SKAP1: variants seen among roughly 807,000 people sequenced by gnomAD.
The protein encoded by SKAP1 is src kinase associated phosphoprotein 1.
SKAP1 carries 44 observed loss-of-function variants against 58.5 expected under a neutral mutation model. The observed-to-expected ratio is 0.75, with a 90% CI of 0.59 to 0.97. The LOEUF (loss-of-function observed/expected upper bound fraction) is 0.97, where lower values mean the gene tolerates loss of function less well. SKAP1 is among the 50% of genes least tolerant of loss of function. The probability of loss-of-function intolerance (pLI) is 0.00; values close to 1 mark genes in which losing one functional copy is unlikely to be tolerated. For missense variants in SKAP1, 390 were observed against 435.2 expected (o/e 0.90, Z 0.92); for synonymous variants, 127 against 149.7 (o/e 0.85, Z 1.11).
intron 4 of SKAP1, among the ~76,000 whole-genome samples, chr17:48,288,627 A>C (rs1485741775): frequency 6.6e-6 from 1 of 152,202 alleles, no homozygotes; most frequent in African/African-American, 2.4e-5. Flanking sequence ...TGGAGGTTGC[A>C]GTGAGCCGAG....
chr17:48,423,897 T>C (rs1212228916), intron 1 of SKAP1, among the ~76,000 whole-genome samples: 1 of 152,050 alleles, frequency 6.6e-6, no homozygotes, highest in Non-Finnish European at 1.5e-5. Flanking sequence ...GTTGGGATTA[T>C]AGGCATGAGC....
intron 11 of SKAP1, among the ~76,000 whole-genome samples, chr17:48,141,250 A>G (rs941415650): frequency 2.6e-5 from 4 of 152,134 alleles, no homozygotes; most frequent in African/African-American, 9.7e-5. Flanking sequence ...TAATCTCTGT[A>G]TCAGCATTCT....
At chr17:48,242,342 A>G (rs1365629417) in intron 4 of SKAP1, among the ~76,000 whole-genome samples, 1 of 152,202 alleles carries the variant, frequency 6.6e-6, no homozygotes, top group Non-Finnish European at 1.5e-5. Context: ...TCCCCAGCAC[A>G]TGGGCCTAAA....
intron 4 of SKAP1, among the ~76,000 whole-genome samples, chr17:48,330,868 C>T (rs1419900252): frequency 6.6e-6 from 1 of 151,980 alleles, no homozygotes; most frequent in African/African-American, 2.4e-5. Flanking sequence ...GTAAAGAGAG[C>T]TATGAGTTCA....
At chr17:48,306,690 T>C (rs2066146444) in intron 4 of SKAP1, among the ~76,000 whole-genome samples, 1 of 152,188 alleles carries the variant, frequency 6.6e-6, no homozygotes, top group Non-Finnish European at 1.5e-5. Flanking sequence ...GAACCACAAA[T>C]ACATCCTATG....
At chr17:48,148,526 T>G (rs1208196150) in intron 11 of SKAP1, among the ~76,000 whole-genome samples, 1 of 152,214 alleles carries the variant, frequency 6.6e-6, no homozygotes, top group Admixed American at 6.5e-5. Context: ...CTGACCGCAG[T>G]ACCAGCCTCA....
intron 11 of SKAP1, among the ~76,000 whole-genome samples, chr17:48,146,492 A>T (rs767438325): frequency 7.8e-4 from 23 of 29,646 alleles, no homozygotes; most frequent in Non-Finnish European, 2.3e-3. Context: ...GACTCCATTT[A>T]AAAAAAAAAA....
intron 1 of SKAP1, among the ~76,000 whole-genome samples, chr17:48,399,159 T>C (rs1254033050): frequency 3.3e-5 from 5 of 152,222 alleles, no homozygotes; most frequent in African/African-American, 1.2e-4. Context: ...AAGCTCTGCA[T>C]TGTATCTATT....
At chr17:48,281,652 C>G (rs1356829210) in intron 4 of SKAP1, among the ~76,000 whole-genome samples, 1 of 151,652 alleles carries the variant, frequency 6.6e-6, no homozygotes, top group Admixed American at 6.6e-5. Context: ...TGGCCACCAT[C>G]TAGTGATCCA....
chr17:48,330,423 T>C (rs1006465324), intron 4 of SKAP1, among the ~76,000 whole-genome samples: 4 of 152,186 alleles, frequency 2.6e-5, no homozygotes, highest in African/African-American at 7.2e-5. Flanking sequence ...CCAACAAAGG[T>C]TGCAGCTTAA....
intron 4 of SKAP1, among the ~76,000 whole-genome samples, chr17:48,300,648 C>T (rs2066045391): frequency 6.6e-6 from 1 of 152,062 alleles, no homozygotes; most frequent in African/African-American, 2.4e-5. Flanking sequence ...GCATTTTGCT[C>T]CTCCATGAAT....
intron 2 of SKAP1, among the ~76,000 whole-genome samples, chr17:48,390,900 C>G (rs1215459435): frequency 2.6e-5 from 4 of 152,098 alleles, no homozygotes; most frequent in African/African-American, 9.7e-5. Flanking sequence ...CATGGTGAAA[C>G]CCCGTCTTCA....
At chr17:48,346,551 G>C (rs567331120) in intron 3 of SKAP1, among the ~76,000 whole-genome samples, 23 of 152,192 alleles carry the variant, frequency 1.5e-4, no homozygotes, top group South Asian at 1.0e-3. Flanking sequence ...TTGAACCCGG[G>C]GGGTAGAGGT....
intron 2 of SKAP1, among the ~76,000 whole-genome samples, chr17:48,368,927 C>T (rs1436412282): frequency 1.3e-5 from 2 of 151,982 alleles, no homozygotes; most frequent in Admixed American, 1.3e-4. Context: ...CCAGCACTTT[C>T]GGAGGTCATA....
chr17:48,293,151 T>A (rs1241443763), intron 4 of SKAP1, among the ~76,000 whole-genome samples: 7 of 152,204 alleles, frequency 4.6e-5, no homozygotes, highest in African/African-American at 1.4e-4. Context: ...TAAGCTGTAA[T>A]TTTTACAAAT....
At chr17:48,237,760 T>G (rs945734446) in intron 4 of SKAP1, among the ~76,000 whole-genome samples, 1 of 152,136 alleles carries the variant, frequency 6.6e-6, no homozygotes, top group Non-Finnish European at 1.5e-5. Context: ...CAGTGGGTTT[T>G]GTGACCAATG....
intron 9 of SKAP1, 38 bp from the exon 10 acceptor site, chr17:48,170,697 T>TCC: frequency 6.5e-7 from 1 of 1,536,422 alleles, no homozygotes; most frequent in Non-Finnish European, 8.9e-7. Flanking sequence ...AATTAGTGGT[T>TCC]CACAGTCTCA....
chr17:48,406,537 G>A (rs930825521), intron 1 of SKAP1, among the ~76,000 whole-genome samples: 6 of 149,966 alleles, frequency 4.0e-5, no homozygotes, highest in Middle Eastern at 3.4e-3. Context: ...CCAAGTAGCC[G>A]GGACTAAAGG....
intron 4 of SKAP1, among the ~76,000 whole-genome samples, chr17:48,319,688 A>G (rs1483700162): frequency 3.3e-5 from 5 of 152,118 alleles, no homozygotes; most frequent in Non-Finnish European, 7.4e-5. Flanking sequence ...CAAAAAATAC[A>G]AAAATTAGCT....
Sources: gnomAD v4.1 joint callset for allele counts (sites outside exome capture counted in the v4.1 genomes callset) on GRCh38, gnomAD v4.1.1 for gene constraint, MANE v1.5 for transcripts, NCBI Gene and HGNC (gene_info 2026-07-23, HGNC 2026-07-21) for gene names.